Variants in CPS1 observed in about 807,000 individuals in gnomAD.
CPS1 encodes the protein carbamoyl-phosphate synthase 1.
A neutral mutation model predicts 174.6 loss-of-function variants in CPS1; 109 were observed. That is an observed-to-expected ratio of 0.62 (90% CI 0.53 to 0.73). The LOEUF (loss-of-function observed/expected upper bound fraction) is 0.73. CPS1 is among the 30% of genes least tolerant of loss of function. CPS1 has a pLI of 0.00. For missense variants in CPS1, 1,689 were observed against 1,821.9 expected (o/e 0.93, Z 1.33); for synonymous variants, 637 against 632.0 (o/e 1.01, Z -0.12).
chr2:210,599,914 T>C (rs1559098335), intron 14 of CPS1, among the ~76,000 whole-genome samples: 1 of 151,952 alleles, frequency 6.6e-6, no homozygotes, highest in Non-Finnish European at 1.5e-5. Context: ...TAAGTGCTCT[T>C]AGGTATCAGC....
intron 1 of CPS1, among the ~76,000 whole-genome samples, chr2:210,493,212 T>C (rs982994546): frequency 1.3e-5 from 2 of 152,188 alleles, no homozygotes; most frequent in African/African-American, 4.8e-5. Context: ...AAGTCTTCTG[T>C]TGGGTTCTCA....
At chr2:210,493,108 G>T (rs1001415684) in intron 1 of CPS1, among the ~76,000 whole-genome samples, 2 of 152,110 alleles carry the variant, frequency 1.3e-5, no homozygotes, top group Non-Finnish European at 2.9e-5. Context: ...TTATATATTA[G>T]TGAAAATAAA....
chr2:210,505,774 C>T (rs1219016729), intron 1 of CPS1, among the ~76,000 whole-genome samples: 11 of 152,208 alleles, frequency 7.2e-5, no homozygotes, highest in Non-Finnish European at 7.3e-5. Context: ...CCTATGCCCA[C>T]GGAGACTTGC....
intron 1 of CPS1, among the ~76,000 whole-genome samples, chr2:210,547,226 A>C (rs993828321): frequency 1.3e-5 from 2 of 152,266 alleles, no homozygotes; most frequent in East Asian, 3.9e-4. Flanking sequence ...AGTTAATATG[A>C]TAAACTTTTA....
intron 21 of CPS1, among the ~76,000 whole-genome samples, chr2:210,621,547 G>A (rs973412028): frequency 2.0e-5 from 3 of 152,012 alleles, no homozygotes; most frequent in African/African-American, 7.2e-5. Flanking sequence ...TTCCCATGTA[G>A]TATTTTAATA....
chr2:210,625,182 A>G (rs1282557529), intron 21 of CPS1, among the ~76,000 whole-genome samples: 2 of 151,918 alleles, frequency 1.3e-5, no homozygotes, highest in African/African-American at 4.8e-5. Context: ...ACTAGTTATT[A>G]GACCAAATGG....
chr2:210,622,033 G>T (rs1650961704), intron 21 of CPS1, among the ~76,000 whole-genome samples: 1 of 151,692 alleles, frequency 6.6e-6, no homozygotes, highest in Admixed American at 6.6e-5. Context: ...ACAGAATTGG[G>T]ATCAAGTCTA....
At chr2:210,561,908 C>T (rs886370420) in intron 1 of CPS1, among the ~76,000 whole-genome samples, 1 of 152,080 alleles carries the variant, frequency 6.6e-6, no homozygotes, top group African/African-American at 2.4e-5. Flanking sequence ...ATTTGAAGTT[C>T]TCATAAATGA....
At chr2:210,647,076 G>C (rs1700401062) in intron 25 of CPS1, among the ~76,000 whole-genome samples, 1 of 152,100 alleles carries the variant, frequency 6.6e-6, no homozygotes. Flanking sequence ...ACTAAAATCA[G>C]TTACTAGGTA....
intron 1 of CPS1, among the ~76,000 whole-genome samples, chr2:210,562,871 T>G (rs1456322858): frequency 6.8e-6 from 1 of 146,070 alleles, no homozygotes; most frequent in East Asian, 1.9e-4. Flanking sequence ...AAATGGTGTT[T>G]TTTTTTTTTT....
At chr2:210,639,718 T>C (rs1197910562) in intron 23 of CPS1, among the ~76,000 whole-genome samples, 2 of 146,018 alleles carry the variant, frequency 1.4e-5, no homozygotes, top group East Asian at 4.2e-4. Context: ...GATAATGAAA[T>C]CAAACAAATG....
At position 210,594,619 on chromosome 2, in the gene CPS1, G is replaced by T; in HGVS notation, c.1263+13G>T. On this transcript the variant is annotated intron_variant, in intron 12 of 37. Coordinates refer to ENST00000233072, the MANE Select transcript of CPS1 (RefSeq NM_001875.5). ...ATCTCGGGTTGAGGTCAGTATGTGG[G>T]CTTATTTTTGGTTTATGAATTTTGG... 1.3e-6 allele frequency: 2 copies of T among 1,593,390 alleles called. No individual in the cohort carries two copies. Among genetic ancestry groups the T allele is most frequent in the South Asian group, 1.1e-5 (1 of 90,596 alleles).
chr2:210,660,675 A>T lies in CPS1; in HGVS notation c.3927+20A>T, dbSNP rs748344105. On this transcript the variant is annotated intron_variant, in intron 32 of 37. Transcript: ENST00000233072. ...ATTAAGGTAACATTTTCAAAAATTT[A>T]TTAGTCATTTTATGAGTTCTAGTGA... The T allele has an allele frequency of 1.2e-6, 2 of 1,607,964 alleles. No individual in the cohort carries two copies. Among genetic ancestry groups the T allele is most frequent in the Non-Finnish European group, 1.7e-6 (2 of 1,174,450 alleles).
At chr2:210,564,932 T>G (rs1446286569) in intron 1 of CPS1, among the ~76,000 whole-genome samples, 2 of 151,842 alleles carry the variant, frequency 1.3e-5, no homozygotes. Flanking sequence ...GAGGCAGAGG[T>G]TGCAGTGAGC....
intron 1 of CPS1, among the ~76,000 whole-genome samples, chr2:210,572,067 A>G (rs1484098899): frequency 6.6e-6 from 1 of 151,296 alleles, no homozygotes; most frequent in Non-Finnish European, 1.5e-5. Flanking sequence ...AGCACAATGA[A>G]CTCCTTTACT....
At chr2:210,502,469 ATATT>A (rs1218849960) in intron 1 of CPS1, among the ~76,000 whole-genome samples, 11 of 136,970 alleles carry the variant, frequency 8.0e-5, no homozygotes, top group Admixed American at 1.5e-4. Context: ...ATAGATATAT[ATATT>A]TATATATAAA....
intron 21 of CPS1, among the ~76,000 whole-genome samples, chr2:210,633,955 T>G (rs977843558): frequency 1.3e-5 from 2 of 152,196 alleles, no homozygotes; most frequent in African/African-American, 2.4e-5. Flanking sequence ...GAGTTAGGAT[T>G]TTAGTCATTT....
intron 29 of CPS1, among the ~76,000 whole-genome samples, chr2:210,656,159 T>A (rs750160143): frequency 1.3e-5 from 2 of 152,244 alleles, no homozygotes; most frequent in African/African-American, 2.4e-5. Context: ...CTCTCCCACC[T>A]TCTTTTCTTT....
chr2:210,520,518 G>A (rs1400468427), intron 1 of CPS1, among the ~76,000 whole-genome samples: 1 of 151,924 alleles, frequency 6.6e-6, no homozygotes, highest in Non-Finnish European at 1.5e-5. Context: ...CTGTGTCCAT[G>A]TGTTCTCATT....
Sources: allele counts gnomAD v4.1 joint callset (sites outside exome capture counted in the v4.1 genomes callset), GRCh38; gene constraint gnomAD v4.1.1; transcripts MANE v1.5; gene names NCBI Gene and HGNC (gene_info 2026-07-23, HGNC 2026-07-21).